The following ZNF567 variants were observed in gnomAD, a reference collection of about 807,000 sequenced individuals.
The protein encoded by ZNF567 is zinc finger protein 567.
ZNF567 carries 36 observed loss-of-function variants against 53.9 expected under a neutral mutation model. That is an observed-to-expected ratio of 0.67 (90% CI 0.51 to 0.88). The LOEUF is 0.88. Among genes scored for constraint, ZNF567 ranks in the 40% least tolerant of loss-of-function variants. ZNF567 has a pLI of 0.00. For missense variants in ZNF567, 619 were observed against 764.7 expected, an observed-to-expected ratio of 0.81 and a Z score of 2.25; for synonymous variants, 224 against 260.4, an observed-to-expected ratio of 0.86 and a Z score of 1.35.
chr19:36,667,808 C>A, the ZNF567 span, among the ~76,000 whole-genome samples: 1 of 151,772 alleles, frequency 6.6e-6, no homozygotes, highest in Non-Finnish European at 1.5e-5. Flanking sequence ...CGCCACCTCG[C>A]CCGGCTAATT....
In ZNF567 at chr19:36,712,519, A is replaced by G. The variant is rs2039842278; in HGVS notation, c.136+7A>G. ...TGCCACCTCATCTCTGTGGGTAAGA[A>G]AAATCCTCTTTGAAACTTTAGTAGC... On this transcript the variant is annotated splice_region_variant and intron_variant, in intron 4 of 5. Coordinates refer to ENST00000682579, the MANE Select transcript of ZNF567 (RefSeq NM_001322917.1). The G allele has an allele frequency of 6.2e-7, 1 of 1,613,990 alleles. No individual in the cohort carries two copies. Among genetic ancestry groups the G allele is most frequent in the South Asian group, 1.1e-5 (1 of 91,074 alleles).
downstream of ZNF567, among the ~76,000 whole-genome samples, chr19:36,721,657 A>T (rs1464306014): frequency 3.3e-5 from 5 of 152,102 alleles, no homozygotes; most frequent in African/African-American, 1.2e-4. Context: ...TTTAATATCA[A>T]GGAATTAGAA....
the ZNF567 span, among the ~76,000 whole-genome samples, chr19:36,667,748 C>G: frequency 6.7e-6 from 1 of 149,954 alleles, no homozygotes; most frequent in Non-Finnish European, 1.5e-5. Context: ...CTCCCGGGTT[C>G]ACGCCATTCT....
At chr19:36,715,052 C>T (rs917405686) in intron 5 of ZNF567, among the ~76,000 whole-genome samples, 10 of 152,120 alleles carry the variant, frequency 6.6e-5, no homozygotes, top group African/African-American at 2.4e-4. Flanking sequence ...ACCTTCACTC[C>T]AGTTCATCAG....
the ZNF567 span, among the ~76,000 whole-genome samples, chr19:36,674,801 T>C: frequency 1.3e-5 from 2 of 152,252 alleles, no homozygotes; most frequent in East Asian, 3.9e-4. Context: ...TTGCCCAGGC[T>C]GGAGTGCAGT....
intron 3 of ZNF567, among the ~76,000 whole-genome samples, chr19:36,699,039 G>T (rs2039038637): frequency 6.6e-6 from 1 of 152,080 alleles, no homozygotes; most frequent in South Asian, 2.1e-4. Flanking sequence ...TTCTTCTAGG[G>T]TTTTTATGGT....
In ZNF567 at chr19:36,712,885, A is replaced by AG; in HGVS notation, c.223+20dup. On this transcript the variant is annotated intron_variant, in intron 5 of 5. Transcript: ENST00000682579. Reference sequence around the variant, plus strand: ...CTGCTTGGGTGAGTTTCTGGCTCTTAGGCAGACACAGTCTAGCAGAATGTA... The same window carrying AG: ...CTGCTTGGGTGAGTTTCTGGCTCTTAGGGCAGACACAGTCTAGCAGAATGTA... 1 of 1,599,028 alleles carries AG rather than the reference A, an allele frequency of 6.3e-7. No homozygotes were observed. The highest frequency in any genetic ancestry group is 8.6e-7 in the Non-Finnish European group (1 of 1,167,750).
intron 3 of ZNF567, among the ~76,000 whole-genome samples, chr19:36,703,152 C>T (rs1295851427): frequency 6.6e-6 from 1 of 152,062 alleles, no homozygotes; most frequent in African/African-American, 2.4e-5. Context: ...CAGACAGGAC[C>T]CTCAGCTGCA....
In ZNF567 at chr19:36,719,356, G is replaced by C. The variant is rs776468503; in HGVS notation, c.632G>C (p.Gly211Ala). The C allele has an allele frequency of 6.2e-7, 1 of 1,613,718 alleles. No individual in the cohort carries two copies. ...ACGGAAACTCCAGCACAGTCATTTG[G>C]ATATAATGACTGTGAGAAATCATTC... ...QKTETPAQSF[G>A]YNDCEKSFLQ... The change falls in exon 6 of 6, where the codon GGA (glycine) becomes GCA (alanine). Residue 211 changes from glycine to alanine, a missense_variant. Physicochemically the swap from Gly to Ala is moderately conservative, Grantham distance 60 (BLOSUM62 0). Transcript: ENST00000682579.
At chr19:36,701,275 G>A (rs2039168990) in intron 3 of ZNF567, among the ~76,000 whole-genome samples, 1 of 152,088 alleles carries the variant, frequency 6.6e-6, no homozygotes, top group Admixed American at 6.5e-5. Context: ...TGATTGCACT[G>A]TGGTCTGAGA....
At position 36,719,952 on chromosome 19, in the gene ZNF567, G is replaced by C. The variant is rs141088196; in HGVS notation, c.1228G>C (p.Val410Leu). 219 of 1,613,868 alleles carry C rather than the reference G, an allele frequency of 1.4e-4. 1 individual carries two copies. The highest frequency in any genetic ancestry group is 1.7e-4 in the Non-Finnish European group (203 of 1,179,992). ...CTTTCACCAGAAGGCAAATCTTACT[G>C]TACATCAGAGAACTCATACAGGGGA... ...KSFHQKANLT[V>L]HQRTHTGEKP... The change falls in exon 6 of 6, where the codon GTA (valine) becomes CTA (leucine). Residue 410 changes from valine to leucine, a missense_variant. Transcript: ENST00000682579.
chr19:36,713,912 G>A (rs1351398501), intron 5 of ZNF567, among the ~76,000 whole-genome samples: 1 of 152,168 alleles, frequency 6.6e-6, no homozygotes, highest in Non-Finnish European at 1.5e-5. Context: ...TCCAGCCTGG[G>A]CAACAGAGCA....
chr19:36,699,018 T>C (rs376078435), intron 3 of ZNF567, among the ~76,000 whole-genome samples: 3 of 152,124 alleles, frequency 2.0e-5, no homozygotes, highest in African/African-American at 7.2e-5. Flanking sequence ...CTGAATGGTA[T>C]TGCCTAGGTT....
At chr19:36,702,365 C>T (rs2145709149) in intron 3 of ZNF567, among the ~76,000 whole-genome samples, 1 of 151,902 alleles carries the variant, frequency 6.6e-6, no homozygotes, top group South Asian at 2.1e-4. Context: ...ACATTTTTTC[C>T]TTCATTTCAA....
chr19:36,693,099 G>A (rs2038704148), intron 2 of ZNF567, among the ~76,000 whole-genome samples: 1 of 151,802 alleles, frequency 6.6e-6, no homozygotes, highest in South Asian at 2.1e-4. Flanking sequence ...ACTAGCCTAA[G>A]CAACATAGTA....
intron 3 of ZNF567, among the ~76,000 whole-genome samples, chr19:36,699,696 C>A (rs1448003976): frequency 1.3e-5 from 2 of 152,142 alleles, no homozygotes; most frequent in East Asian, 1.9e-4. Context: ...TGTGAATGGG[C>A]GTTCACTCAT....
the ZNF567 span, chr19:36,668,587 C>T: frequency 2.6e-5 from 4 of 152,150 alleles, no homozygotes; most frequent in East Asian, 7.7e-4. Flanking sequence ...GCGTCCTGAA[C>T]CTTAGATGTA....
upstream of ZNF567, among the ~76,000 whole-genome samples, chr19:36,683,991 A>T (rs947233212): frequency 1.3e-5 from 2 of 152,230 alleles, no homozygotes; most frequent in Admixed American, 1.3e-4. Context: ...CCTCATTCTC[A>T]GCAAAATATC....
chr19:36,725,394 G>T (rs1415799830), downstream of ZNF567, among the ~76,000 whole-genome samples: 1 of 151,926 alleles, frequency 6.6e-6, no homozygotes, highest in African/African-American at 2.4e-5. Flanking sequence ...GTAGAAGCGG[G>T]GTTTCACCCT....
Sources: gnomAD v4.1 joint callset for allele counts (sites outside exome capture counted in the v4.1 genomes callset) on GRCh38, gnomAD v4.1.1 for gene constraint, MANE v1.5 for transcripts, NCBI Gene and HGNC (gene_info 2026-07-23, HGNC 2026-07-21) for gene names.